Variants in CPVL observed in about 807,000 individuals in gnomAD.
The protein encoded by CPVL is probable serine carboxypeptidase CPVL.
CPVL carries 51 observed loss-of-function variants against 63.7 expected under a neutral mutation model. The ratio of observed to expected loss-of-function variants is 0.80; its 90% CI spans 0.64 to 1.01. CPVL has a LOEUF of 1.01. Among genes scored for constraint, CPVL ranks in the 50% least tolerant of loss-of-function variants. The pLI is 0.00. For missense variants in CPVL, 530 were observed against 573.1 expected (o/e 0.92, Z 0.77); for synonymous variants, 195 against 206.0 (o/e 0.95, Z 0.46).
chr7:29,144,836 C>T (rs1792292953), intron 1 of CPVL, among the ~76,000 whole-genome samples: 1 of 152,128 alleles, frequency 6.6e-6, no homozygotes, highest in Admixed American at 6.5e-5. Context: ...TTTCTTAACA[C>T]TCTTCTAAGT....
At chr7:29,071,024 A>G (rs1783678705) in intron 9 of CPVL, among the ~76,000 whole-genome samples, 1 of 152,236 alleles carries the variant, frequency 6.6e-6, no homozygotes, top group African/African-American at 2.4e-5. Flanking sequence ...TACCATGTCA[A>G]ACATGATGGC....
intron 12 of CPVL, among the ~76,000 whole-genome samples, chr7:29,030,035 A>G (rs1172030358): frequency 6.6e-6 from 1 of 152,214 alleles, no homozygotes; most frequent in Non-Finnish European, 1.5e-5. Flanking sequence ...CAACAACAGA[A>G]AGAGGAAACA....
chr7:29,182,317 T>A (rs1482188502), intron 4 of CPVL, among the ~76,000 whole-genome samples: 1 of 152,216 alleles, frequency 6.6e-6, no homozygotes, highest in Non-Finnish European at 1.5e-5. Context: ...TGTATTAATC[T>A]GATAGTGTTC....
At chr7:29,009,699 A>AC (rs1412938444) in intron 12 of CPVL, 1 of 152,216 alleles carries the variant, frequency 6.6e-6, no homozygotes, top group Non-Finnish European at 1.5e-5. Flanking sequence ...AATATTATAT[A>AC]TGGATACGTA....
chr7:29,106,346 C>T (rs1223713770), intron 3 of CPVL, among the ~76,000 whole-genome samples: 1 of 151,978 alleles, frequency 6.6e-6, no homozygotes, highest in Non-Finnish European at 1.5e-5. Context: ...TGTGTTCATA[C>T]TGGGAGGGCC....
At chr7:29,045,986 G>T (rs904180785) in intron 11 of CPVL, among the ~76,000 whole-genome samples, 2 of 151,906 alleles carry the variant, frequency 1.3e-5, no homozygotes, top group Non-Finnish European at 2.9e-5. Flanking sequence ...CTAACATCCT[G>T]AATTCTGAAG....
At chr7:29,096,832 A>G (rs1489670594) in intron 3 of CPVL, among the ~76,000 whole-genome samples, 1 of 151,960 alleles carries the variant, frequency 6.6e-6, no homozygotes, top group Non-Finnish European at 1.5e-5. Flanking sequence ...AAAAATACAA[A>G]AAGTTAGCCA....
At chr7:29,114,478 C>A (rs893684738) in intron 2 of CPVL, among the ~76,000 whole-genome samples, 1 of 152,016 alleles carries the variant, frequency 6.6e-6, no homozygotes, top group Admixed American at 6.6e-5. Context: ...TAGTGGCATG[C>A]CTCTTAGCTG....
intron 12 of CPVL, among the ~76,000 whole-genome samples, chr7:29,003,154 G>GCGCACACACA (rs1491473754): frequency 4.8e-5 from 6 of 123,788 alleles, no homozygotes; most frequent in Middle Eastern, 3.9e-3. Context: ...ATGTGTATGT[G>GCGCACACACA]CACACACACA....
intron 11 of CPVL, among the ~76,000 whole-genome samples, chr7:29,054,607 C>T (rs1288715381): frequency 6.6e-6 from 1 of 152,128 alleles, no homozygotes; most frequent in African/African-American, 2.4e-5. Flanking sequence ...TTCTCTCTCC[C>T]ACTGCTTATT....
At chr7:29,098,113 G>C (rs1786634568) in intron 3 of CPVL, among the ~76,000 whole-genome samples, 1 of 152,174 alleles carries the variant, frequency 6.6e-6, no homozygotes, top group Non-Finnish European at 1.5e-5. Context: ...CACCACCTCT[G>C]ACTTGGCCTG....
chr7:29,092,723 C>T lies in CPVL; in HGVS notation c.463-21G>A, dbSNP rs1025191972. On this transcript the variant is annotated intron_variant, in intron 5 of 12. Coordinates refer to ENST00000265394, the MANE Select transcript of CPVL (RefSeq NM_031311.5). ...CCCACCTGCAGGAGAAATAAACACG[C>T]AGGTATAAACACAGAGAAACACATG... The T allele has an allele frequency of 2.6e-6, 4 of 1,550,504 alleles. No individual in the cohort carries two copies. In the African/African-American group the frequency reaches 4.1e-5, roughly 16 times the overall value.
chr7:29,147,962 T>C (rs559759822), upstream of CPVL, among the ~76,000 whole-genome samples: 893 of 152,328 alleles, frequency 5.9e-3, 13 homozygotes, highest in African/African-American at 0.02. Flanking sequence ...TTCCAGTTCC[T>C]GGTTTGCAGC....
intron 11 of CPVL, among the ~76,000 whole-genome samples, chr7:29,052,100 T>C (rs1031169749): frequency 1.3e-5 from 2 of 151,796 alleles, no homozygotes; most frequent in Non-Finnish European, 2.9e-5. Flanking sequence ...AACTAAGCTA[T>C]GAGGACGCAA....
chr7:29,117,957 C>T (rs562733586), intron 2 of CPVL, among the ~76,000 whole-genome samples: 3 of 152,276 alleles, frequency 2.0e-5, no homozygotes, highest in South Asian at 4.1e-4. Context: ...TTATGCCAAC[C>T]GACAGGGATA....
At chr7:29,053,064 A>G (rs1790365224) in intron 11 of CPVL, among the ~76,000 whole-genome samples, 1 of 152,260 alleles carries the variant, frequency 6.6e-6, no homozygotes, top group African/African-American at 2.4e-5. Flanking sequence ...AAAGATGTTC[A>G]TCGTTCATCA....
At position 29,071,680 on chromosome 7, in the gene CPVL, A is replaced by T. The variant is rs576033956; in HGVS notation, c.864+93T>A. 7.0e-6 allele frequency: 10 copies of T among 1,431,888 alleles called. No homozygotes were observed. The African/African-American group carries it at 1.4e-4, about 20-fold the overall frequency. The allele number at this position is 1,431,888 out of a possible 1,614,324, so 88.7% of individuals were successfully genotyped here. ...AACAGATATACCTTCTTAACAAAAA[A>T]ATGCCTGAGCACCAAGGTGTTCCTG... is the stretch of plus-strand genomic sequence containing the variant. On this transcript the variant is annotated intron_variant, in intron 9 of 12. Transcript: ENST00000265394.
intron 3 of CPVL, among the ~76,000 whole-genome samples, chr7:29,109,783 G>A (rs1002932048): frequency 1.3e-5 from 2 of 152,140 alleles, no homozygotes; most frequent in African/African-American, 4.8e-5. Flanking sequence ...TTGTGTTTAT[G>A]GCTACAGTAC....
At chr7:29,163,879 A>G (rs1795534579) in intron 5 of CPVL, among the ~76,000 whole-genome samples, 1 of 152,202 alleles carries the variant, frequency 6.6e-6, no homozygotes, top group South Asian at 2.1e-4. Context: ...TGCTGAATTC[A>G]TTGCTGAATT....
Sources: gnomAD v4.1 joint callset for allele counts (sites outside exome capture counted in the v4.1 genomes callset) on GRCh38, gnomAD v4.1.1 for gene constraint, MANE v1.5 for transcripts, NCBI Gene and HGNC (gene_info 2026-07-23, HGNC 2026-07-21) for gene names.